CYP4B1: variants seen among roughly 807,000 people sequenced by gnomAD.
CYP4B1 encodes cytochrome P450 family 4 subfamily B member 1, also known as cytochrome P450 4B1.
A neutral mutation model predicts 54.0 loss-of-function variants in CYP4B1; 45 were observed. The observed-to-expected ratio is 0.83, with a 90% CI of 0.66 to 1.07. CYP4B1 has a LOEUF of 1.07. Among genes scored for constraint, CYP4B1 ranks in the 50% least tolerant of loss-of-function variants. The pLI, the probability that CYP4B1 is intolerant of heterozygous loss-of-function variation, is 0.00. For synonymous variants in CYP4B1, 248 were observed against 247.5 expected, an observed-to-expected ratio of 1.00 and a Z score of -0.02; for missense variants, 656 against 655.4, an observed-to-expected ratio of 1.00 and a Z score of -0.01.
intron 1 of CYP4B1, among the ~76,000 whole-genome samples, chr1:46,801,792 G>A (rs1043365942): frequency 8.5e-5 from 13 of 152,280 alleles, no homozygotes; most frequent in African/African-American, 2.9e-4. Flanking sequence ...CAGGAGTTAG[G>A]TCGAGACTGG....
At chr1:46,818,096 C>A (rs539676662) in intron 10 of CYP4B1, 35 bp from the exon 11 acceptor site, 3 of 1,613,282 alleles carry the variant, frequency 1.9e-6, no homozygotes, top group Non-Finnish European at 2.5e-6. Context: ...TCTGCCAGAA[C>A]CTGGCGAGTG....
intron 1 of CYP4B1, among the ~76,000 whole-genome samples, chr1:46,800,295 T>TCCC (rs1678598635): frequency 7.9e-6 from 1 of 125,812 alleles, no homozygotes; most frequent in Non-Finnish European, 1.7e-5. Flanking sequence ...CCTTCCTTCC[T>TCCC]TCCTTCTTTC....
chr1:46,811,867 C>T (rs1679113195), intron 3 of CYP4B1, among the ~76,000 whole-genome samples: 1 of 152,194 alleles, frequency 6.6e-6, no homozygotes, highest in Non-Finnish European at 1.5e-5. Context: ...AGAGGGAGAA[C>T]ACATTCCCAA....
chr1:46,811,943 T>C (rs2148405701), intron 3 of CYP4B1, among the ~76,000 whole-genome samples: 1 of 152,162 alleles, frequency 6.6e-6, no homozygotes, highest in African/African-American at 2.4e-5. Flanking sequence ...TAGTTATCAA[T>C]GGGAGGATAA....
At position 46,818,158 on chromosome 1, in the gene CYP4B1, G is replaced by A. The variant is rs1679414120; in HGVS notation, c.1300G>A (p.Glu434Lys). The A allele has an allele frequency of 6.2e-7, 1 of 1,614,138 alleles. No homozygotes were observed. Among genetic ancestry groups the A allele is most frequent in the Non-Finnish European group, 8.5e-7 (1 of 1,180,010 alleles). ...CTTTGACTCTCTGCGCTTTTCCACT[G>A]AGAATGCATCCAAACGCCATCCCTT... Reference protein sequence around the residue: ...EVFDSLRFSTENASKRHPFAF... With the variant: ...EVFDSLRFSTKNASKRHPFAF... Residue 434 changes from glutamate to lysine, a missense_variant, in exon 11 of 12, where the codon GAG becomes AAG. Coordinates refer to ENST00000371923, the MANE Select transcript of CYP4B1 (RefSeq NM_001099772.2).
chr1:46,817,027 T>C (rs1679360779), intron 8 of CYP4B1, 21 bp from the exon 9 acceptor site: 1 of 1,612,546 alleles, frequency 6.2e-7, no homozygotes, highest in Non-Finnish European at 8.5e-7. Context: ...TCCAAGAATG[T>C]TCTGGTTGTG....
rs374631190 is a variant in CYP4B1, at chr1:46,813,449, T to G, written c.496-33T>G. On this transcript the variant is annotated intron_variant, in intron 4 of 11. Coordinates refer to ENST00000371923, the MANE Select transcript of CYP4B1 (RefSeq NM_001099772.2). ...CAGCCCAACTAACCCCTGCATCGCCTCCTACACATTGCCTCCTATCCCTGG... is the reference window on the plus strand; with the variant it reads ...CAGCCCAACTAACCCCTGCATCGCCGCCTACACATTGCCTCCTATCCCTGG... 6.8e-6 allele frequency: 11 copies of G among 1,613,682 alleles called. No individual in the cohort carries two copies. The African/African-American group carries it at 1.5e-4, about 22-fold the overall frequency.
At chr1:46,810,027 C>T (rs534467449) in intron 1 of CYP4B1, among the ~76,000 whole-genome samples, 1 of 152,328 alleles carries the variant, frequency 6.6e-6, no homozygotes, top group African/African-American at 2.4e-5. Flanking sequence ...ACTGTCCCAC[C>T]ATGGGGCAGC....
In CYP4B1 at chr1:46,813,908, G is replaced by T; in HGVS notation, c.621-1G>T. On this transcript the variant is annotated splice_acceptor_variant, in intron 5 of 11. Transcript: ENST00000371923. LOFTEE classifies it high-confidence loss of function. ...AATCCCTCCTCCTACCCTCTGCTTAGCAGGGACAGCAGCTACTACCTTGCA... is the reference window on the plus strand; with the variant it reads ...AATCCCTCCTCCTACCCTCTGCTTATCAGGGACAGCAGCTACTACCTTGCA... 3.1e-6 allele frequency: 5 copies of T among 1,614,080 alleles called. No individual in the cohort carries two copies. Among genetic ancestry groups the T allele is most frequent in the Non-Finnish European group, 4.2e-6 (5 of 1,179,970 alleles).
intron 1 of CYP4B1, among the ~76,000 whole-genome samples, chr1:46,809,252 T>G (rs998159628): frequency 6.6e-6 from 1 of 151,896 alleles, no homozygotes; most frequent in Non-Finnish European, 1.5e-5. Flanking sequence ...CCTGCCAGAA[T>G]GGCCCCAGGG....
intron 1 of CYP4B1, among the ~76,000 whole-genome samples, chr1:46,799,901 A>G (rs1427701753): frequency 6.6e-6 from 1 of 152,206 alleles, no homozygotes; most frequent in Non-Finnish European, 1.5e-5. Flanking sequence ...TTAGTTTCCT[A>G]CTGTATTGGG....
At chr1:46,818,560 T>A in intron 11 of CYP4B1, 71 bp from the exon 12 acceptor site, 1 of 1,483,872 alleles carries the variant, frequency 6.7e-7, no homozygotes, top group Non-Finnish European at 9.4e-7. Context: ...TTTTGTTGGC[T>A]GCTAAGAGCA....
intron 7 of CYP4B1, 47 bp from the exon 8 acceptor site, chr1:46,815,027 C>G: frequency 1.9e-6 from 3 of 1,550,618 alleles, no homozygotes; most frequent in Non-Finnish European, 2.7e-6. Flanking sequence ...TTCTTGTTAC[C>G]CACCTCCAAT....
intron 8 of CYP4B1, among the ~76,000 whole-genome samples, chr1:46,816,350 G>C (rs1448183410): frequency 6.6e-6 from 1 of 152,124 alleles, no homozygotes; most frequent in Non-Finnish European, 1.5e-5. Context: ...TGTAGGCTGG[G>C]TAACAATGTG....
rs576340163 is a variant in CYP4B1 at position 46,817,751 on chromosome 1, G to A, written c.1208-214G>A. ...TATTCATCTCACAAATGTCTATCAG[G>A]TGCTGTACCCAGTGCCGGGATTACA... On this transcript the variant is annotated intron_variant, in intron 9 of 11. Transcript: ENST00000371923. Among the ~76,000 whole-genome samples, 50 of 152,290 alleles carry A rather than the reference G, an allele frequency of 3.3e-4. 1 individual carries two copies. The highest frequency in any genetic ancestry group is 3.4e-3 in the Middle Eastern group (1 of 294).
chr1:46,809,011 A>C (rs1221952163), intron 1 of CYP4B1, among the ~76,000 whole-genome samples: 27 of 144,344 alleles, frequency 1.9e-4, no homozygotes, highest in Non-Finnish European at 3.2e-4. Flanking sequence ...GGAGATATAC[A>C]TAATGCTAGA....
intron 1 of CYP4B1, among the ~76,000 whole-genome samples, chr1:46,804,486 G>A (rs1191962468): frequency 6.6e-6 from 1 of 151,510 alleles, no homozygotes; most frequent in Non-Finnish European, 1.5e-5. Context: ...ATGAGGATGG[G>A]AAGGAGCCTG....
At chr1:46,803,121 T>A (rs980377076) in intron 1 of CYP4B1, among the ~76,000 whole-genome samples, 1 of 152,024 alleles carries the variant, frequency 6.6e-6, no homozygotes, top group Admixed American at 6.6e-5. Flanking sequence ...GGCTTTACCT[T>A]ATTTTGAGGA....
intron 4 of CYP4B1, among the ~76,000 whole-genome samples, 191 bp from the exon 5 acceptor site, chr1:46,813,291 A>G (rs1679185588): frequency 6.6e-6 from 1 of 152,142 alleles, no homozygotes. Context: ...TGAAGCCCAG[A>G]GGCTTCCAAA....
Sources: allele counts gnomAD v4.1 joint callset (sites outside exome capture counted in the v4.1 genomes callset), GRCh38; gene constraint gnomAD v4.1.1; transcripts MANE v1.5; gene names NCBI Gene and HGNC (gene_info 2026-07-23, HGNC 2026-07-21).